The following CROCC variants were observed in gnomAD, a reference collection of about 807,000 sequenced individuals.
CROCC encodes the protein rootletin.
CROCC carries 180 observed loss-of-function variants against 245.2 expected under a neutral mutation model. That is an observed-to-expected ratio of 0.73 (90% CI 0.65 to 0.83). The LOEUF (loss-of-function observed/expected upper bound fraction) is 0.83, where lower values mean the gene tolerates loss of function less well. CROCC is among the 40% of genes least tolerant of loss of function. The pLI is 0.00. For synonymous variants in CROCC, 1,205 were observed against 1,241.6 expected (o/e 0.97, Z 0.62); for missense variants, 2,688 against 2,779.4 (o/e 0.97, Z 0.74).
chr1:16,924,371 G>A lies in CROCC; in HGVS notation c.243G>A (p.Glu81=). The change falls in exon 3 of 37, where the codon GAG becomes GAA. Residue 81 remains glutamate (E), a synonymous_variant. Transcript: ENST00000375541. ...TGGCATCGCTGCTGTCGCTGCAGGA[G>A]GAGAACCAGCTGCTGCAGCAGGAGC... is the stretch of plus-strand genomic sequence containing the variant. ...TEMASLLSLQ[E]ENQLLQQELS... 1 of 1,613,274 alleles carries A rather than the reference G, an allele frequency of 6.2e-7. No individual in the cohort carries two copies. The highest frequency in any genetic ancestry group is 1.3e-5 in the African/African-American group (1 of 75,086).
chr1:16,946,367 G>C lies in CROCC; in HGVS notation c.2245G>C (p.Ala749Pro). 6.2e-7 allele frequency: 1 copy of C among 1,613,078 alleles called. No homozygotes were observed. Among genetic ancestry groups the C allele is most frequent in the Non-Finnish European group, 8.5e-7 (1 of 1,179,994 alleles). Residue 749 changes from alanine (A) to proline (P), a missense_variant, in exon 16 of 37, where the codon GCT becomes CCT. This residue lies in a region of CROCC where 295 missense variants were observed against 241.7 expected (regional missense o/e 1.22). Coordinates refer to ENST00000375541, the MANE Select transcript of CROCC (RefSeq NM_014675.5). ...SKLSALNESL[A>P]QDKLDLNRLV... is the part of the protein sequence containing the mutation. Reference sequence around the variant, plus strand: ...GCTGAGCGCCCTCAACGAGAGCCTTGCTCAGGACAAGTTGGATCTGAACCG... The same window carrying C: ...GCTGAGCGCCCTCAACGAGAGCCTTCCTCAGGACAAGTTGGATCTGAACCG...
In CROCC at chr1:16,922,746, T is replaced by TGCCC. The variant is rs777530990; in HGVS notation, c.145_148dup (p.Leu50ArgfsTer15). On this transcript the variant is annotated frameshift_variant, in exon 2 of 37. Transcript: ENST00000375541. LOFTEE classifies it high-confidence loss of function. Reference sequence around the variant, plus strand: ...AGGACGCTCAGATCACCAGCCTGCCTGCCCTTATCAGGGAGATTGTCACCC... The same window carrying TGCCC: ...AGGACGCTCAGATCACCAGCCTGCCTGCCCGCCCTTATCAGGGAGATTGTCACCC... 1 of 1,613,940 alleles carries TGCCC rather than the reference T, an allele frequency of 6.2e-7. No homozygotes were observed. The highest frequency in any genetic ancestry group is 1.1e-5 in the South Asian group (1 of 91,078).
chr1:16,963,243 C>T (rs1037015546), intron 27 of CROCC, among the ~76,000 whole-genome samples: 1 of 148,776 alleles, frequency 6.7e-6, no homozygotes, highest in Middle Eastern at 3.2e-3. Flanking sequence ...GCAGTTCATG[C>T]GGGGGCAGCA....
intron 13 of CROCC, among the ~76,000 whole-genome samples, chr1:16,943,849 G>A (rs1288731225): frequency 6.6e-5 from 10 of 152,406 alleles, no homozygotes; most frequent in African/African-American, 2.4e-4. Context: ...CTGGTAGGGT[G>A]CTTGGAGATC....
At chr1:16,937,550 C>G (rs563839833) in intron 9 of CROCC, 91 bp from the exon 10 acceptor site, 16 of 1,112,818 alleles carry the variant, frequency 1.4e-5, no homozygotes, top group Non-Finnish European at 1.9e-5. Context: ...GTCCCTGCCT[C>G]GGGTTTGGAG....
Position 16,969,307 on chromosome 1 carries a change from G to A in CROCC, c.5268G>A (p.Leu1756=), listed in dbSNP as rs1461308933. 6.2e-7 allele frequency: 1 copy of A among 1,611,752 alleles called. No individual in the cohort carries two copies. The highest frequency in any genetic ancestry group is 1.1e-5 in the South Asian group (1 of 90,860). The change falls in exon 32 of 37, where the codon CTG becomes CTA. Residue 1756 remains leucine (L), a synonymous_variant. Coordinates refer to ENST00000375541, the MANE Select transcript of CROCC (RefSeq NM_014675.5). ...RDKNLHLQKA[L]TACEHDRQVL... ...AGAACCTGCATCTGCAGAAGGCTCT[G>A]ACCGCCTGTGAACATGACCGCCAAG...
At chr1:16,953,066 T>C (rs1314730594) in intron 20 of CROCC, 1 of 526,074 alleles carries the variant, frequency 1.9e-6, no homozygotes, top group African/African-American at 1.9e-5. Flanking sequence ...TGACAGTTAC[T>C]TGTCCCTCCG....
chr1:16,919,632 T>C (rs1165862143), upstream of CROCC, among the ~76,000 whole-genome samples: 2 of 152,294 alleles, frequency 1.3e-5, no homozygotes, highest in Non-Finnish European at 2.9e-5. Flanking sequence ...TTTTAGGGCT[T>C]ACAACTCTAA....
chr1:16,969,589 G>T (rs1039657775), intron 32 of CROCC, among the ~76,000 whole-genome samples, 196 bp from the exon 33 acceptor site: 2 of 152,188 alleles, frequency 1.3e-5, no homozygotes, highest in African/African-American at 4.8e-5. Flanking sequence ...GGGTTTATTG[G>T]GGAGAGTTGG....
At chr1:16,921,895 C>A, upstream of CROCC, 2 of 1,056,470 alleles carry the variant, frequency 1.9e-6, no homozygotes, top group Non-Finnish European at 2.8e-6. Context: ...CATGGGGGCG[C>A]CGCCGGATTT....
At chr1:16,933,615 G>C (rs544877659) in intron 8 of CROCC, among the ~76,000 whole-genome samples, 2,449 of 151,498 alleles carry the variant, frequency 0.016, no homozygotes, top group African/African-American at 0.056. Context: ...TGCCCAGGCT[G>C]GAGTGAAGTG....
chr1:16,953,584 A>G, intron 21 of CROCC, 103 bp downstream of exon 21: 2 of 765,548 alleles, frequency 2.6e-6, no homozygotes, highest in East Asian at 3.4e-5. Flanking sequence ...GGGGCAGGCC[A>G]CTGCCCTCTT....
chr1:16,972,511 G>GCT lies in CROCC; in HGVS notation c.*66_*67insTC, dbSNP rs2076538970. On this transcript the variant is annotated 3_prime_UTR_variant, in exon 37 of 37. Coordinates refer to ENST00000375541, the MANE Select transcript of CROCC (RefSeq NM_014675.5). Reference sequence around the variant, plus strand: ...CAGGGGAGGACCCTTCTTTTGGACAGCCCCCCCACCCAGAGCCCGGTCCCT... The same window carrying GCT: ...CAGGGGAGGACCCTTCTTTTGGACAGCTCCCCCCCACCCAGAGCCCGGTCCCT... 1.4e-6 allele frequency: 1 copy of GCT among 738,626 alleles called. No homozygotes were observed. The highest frequency in any genetic ancestry group is 2.0e-5 in the African/African-American group (1 of 51,008). 45.8% of individuals were successfully genotyped at this position (738,626 alleles called of 1,614,324 possible). A position where few individuals can be genotyped will look rare whatever the true frequency, so the allele number is the denominator to read the frequency against.
chr1:16,940,119 G>C (rs746422058), intron 13 of CROCC, 26 bp downstream of exon 13: 1 of 1,574,772 alleles, frequency 6.4e-7, no homozygotes, highest in Non-Finnish European at 8.6e-7. Context: ...GAGCTGGGGG[G>C]TACTGAAGAA....
chr1:16,927,193 A>G (rs2075553392), intron 3 of CROCC, among the ~76,000 whole-genome samples: 1 of 152,268 alleles, frequency 6.6e-6, no homozygotes, highest in African/African-American at 2.4e-5. Context: ...AATTCACAGA[A>G]TATGCACAGT....
chr1:16,969,215 G>T lies in CROCC; in HGVS notation c.5176G>T (p.Asp1726Tyr). Residue 1726 changes from aspartate to tyrosine, a missense_variant, in exon 32 of 37, where the codon GAC becomes TAC. Transcript: ENST00000375541. ...GGAGGAAAGCGAGGGGGCCCTGCGG[G>T]ACAAGGTGCGGGGCCTGACAGAGGC... Reference protein sequence around the residue: ...KVEESEGALRDKVRGLTEALA... With the variant: ...KVEESEGALRYKVRGLTEALA... The T allele has an allele frequency of 6.2e-7, 1 of 1,611,206 alleles. No homozygotes were observed. The highest frequency in any genetic ancestry group is 1.3e-5 in the African/African-American group (1 of 75,034).
At chr1:16,968,486 C>A (rs771570508) in intron 31 of CROCC, 68 bp downstream of exon 31, 12 of 1,394,308 alleles carry the variant, frequency 8.6e-6, no homozygotes, top group Non-Finnish European at 9.4e-6. Context: ...GTAGGCACTA[C>A]GCAGTCCCCC....
Position 16,970,307 on chromosome 1 carries a change from C to G in CROCC, c.5506C>G (p.Leu1836Val), listed in dbSNP as rs1377014319. 1.3e-6 allele frequency: 2 copies of G among 1,586,420 alleles called. No homozygotes were observed. The highest frequency in any genetic ancestry group is 2.7e-5 in the African/African-American group (2 of 74,512). The change falls in exon 34 of 37, where the codon CTG becomes GTG. Residue 1836 changes from leucine to valine, a missense_variant. By Grantham distance (32) the Leu-to-Val change is conservative (BLOSUM62 1). This residue lies in a region of CROCC where 1,218 missense variants were observed against 1,286.3 expected (regional missense o/e 0.95). Transcript: ENST00000375541. ...TGCAGCCCTGAACACCGTCCAGAAGCTGCAAGACGAGCGGCGGCTGCTGCA... is the reference window on the plus strand; with the variant it reads ...TGCAGCCCTGAACACCGTCCAGAAGGTGCAAGACGAGCGGCGGCTGCTGCA... ...EAAALNTVQKLQDERRLLQER... is the reference protein window; with the variant it reads ...EAAALNTVQKVQDERRLLQER...
rs1337768921 is a variant in CROCC at position 16,928,477 on chromosome 1, C to T, written c.352-1369C>T. ...GGCAGCAGCAACAGAGGCTTTCCTG[C>T]AGTGAGGATGGAGGGGACCTTTTTT... On this transcript the variant is annotated intron_variant, in intron 3 of 36. Transcript: ENST00000375541. Among the ~76,000 whole-genome samples, 5 of 150,826 alleles carry T rather than the reference C, an allele frequency of 3.3e-5. No individual in the cohort carries two copies. In the East Asian group the frequency reaches 7.7e-4, roughly 23 times the overall value.
Sources: gnomAD v4.1 joint callset for allele counts (sites outside exome capture counted in the v4.1 genomes callset) on GRCh38, gnomAD v4.1.1 for gene constraint, gnomAD v4.1.1 regional missense constraint, MANE v1.5 for transcripts, NCBI Gene and HGNC (gene_info 2026-07-23, HGNC 2026-07-21) for gene names.